The following LRMDA variants were observed in gnomAD, a reference collection of about 807,000 sequenced individuals.
LRMDA encodes leucine rich melanocyte differentiation associated.
A neutral mutation model predicts 29.8 loss-of-function variants in LRMDA; 18 were observed. That is an observed-to-expected ratio of 0.60 (90% CI 0.42 to 0.90). LRMDA has a LOEUF of 0.90. Ranked by LOEUF, LRMDA falls within the 40% of genes least tolerant of loss-of-function variation. The pLI, the probability that LRMDA is intolerant of heterozygous loss-of-function variation, is 0.00. For synonymous variants in LRMDA, 125 were observed against 109.4 expected (o/e 1.14, Z -0.89); for missense variants, 273 against 273.9 (o/e 1.00, Z 0.02).
chr10:76,368,849 A>G (rs1282064780), intron 6 of LRMDA, among the ~76,000 whole-genome samples: 4 of 152,162 alleles, frequency 2.6e-5, no homozygotes, highest in Non-Finnish European at 4.4e-5. Flanking sequence ...TTACCATTAT[A>G]TACTGTTCCT....
intron 2 of LRMDA, among the ~76,000 whole-genome samples, chr10:75,835,455 A>G (rs1483454460): frequency 2.0e-5 from 3 of 152,178 alleles, no homozygotes; most frequent in African/African-American, 7.2e-5. Context: ...TAACTCAATC[A>G]CATTTGCAAA....
At chr10:76,034,797 A>G (rs566285758) in intron 2 of LRMDA, among the ~76,000 whole-genome samples, 1 of 152,268 alleles carries the variant, frequency 6.6e-6, no homozygotes, top group East Asian at 1.9e-4. Flanking sequence ...GTCACATTTT[A>G]TAGAATAGCC....
chr10:75,911,685 G>T (rs561160483), intron 2 of LRMDA, among the ~76,000 whole-genome samples: 1 of 152,290 alleles, frequency 6.6e-6, no homozygotes, highest in African/African-American at 2.4e-5. Context: ...CTGTTCTTCA[G>T]TGAGCATGTA....
At chr10:76,188,251 G>T (rs532409241) in intron 5 of LRMDA, among the ~76,000 whole-genome samples, 4 of 152,242 alleles carry the variant, frequency 2.6e-5, no homozygotes, top group East Asian at 3.9e-4. Context: ...TCCTTTCCTG[G>T]CTGGGATTAT....
chr10:75,521,824 C>G (rs1440579762), intron 2 of LRMDA, among the ~76,000 whole-genome samples: 1 of 152,206 alleles, frequency 6.6e-6, no homozygotes, highest in Non-Finnish European at 1.5e-5. Flanking sequence ...CAGAGCTGTT[C>G]CTATTCGGCC....
intron 6 of LRMDA, among the ~76,000 whole-genome samples, chr10:76,359,145 A>G (rs1390139132): frequency 6.6e-6 from 1 of 152,194 alleles, no homozygotes; most frequent in Non-Finnish European, 1.5e-5. Context: ...CCATTTTGTC[A>G]TTGTGGTTTT....
chr10:75,582,054 G>T (rs576732298), intron 2 of LRMDA, among the ~76,000 whole-genome samples: 158 of 152,322 alleles, frequency 1.0e-3, no homozygotes, highest in African/African-American at 3.2e-3. Context: ...GACTTTGTAG[G>T]GTTCAGCTCC....
At chr10:75,737,061 GCACACA>G (rs148786283) in intron 2 of LRMDA, among the ~76,000 whole-genome samples, 3 of 147,786 alleles carry the variant, frequency 2.0e-5, no homozygotes, top group Admixed American at 6.8e-5. Flanking sequence ...ACGCACGCAC[GCACACA>G]CACACACACA....
chr10:76,313,654 G>A (rs1464023617), intron 5 of LRMDA, among the ~76,000 whole-genome samples: 3 of 152,140 alleles, frequency 2.0e-5, no homozygotes, highest in Non-Finnish European at 4.4e-5. Context: ...GTAGGTAAAT[G>A]CTTAACAGCC....
chr10:76,514,763 A>G (rs1416266429), intron 6 of LRMDA, among the ~76,000 whole-genome samples: 1 of 152,122 alleles, frequency 6.6e-6, no homozygotes, highest in East Asian at 1.9e-4. Flanking sequence ...CAAAACTGGA[A>G]TCACATACTT....
chr10:75,879,574 A>G (rs1845259931), intron 2 of LRMDA, among the ~76,000 whole-genome samples: 1 of 152,146 alleles, frequency 6.6e-6, no homozygotes, highest in African/African-American at 2.4e-5. Context: ...CTACTGGAAT[A>G]TAAGGTCTGG....
intron 2 of LRMDA, among the ~76,000 whole-genome samples, chr10:75,862,700 G>A (rs773544125): frequency 2.4e-4 from 37 of 152,250 alleles, no homozygotes; most frequent in Non-Finnish European, 4.6e-4. Flanking sequence ...ACCTCCTAGG[G>A]TTTGTTGGCG....
At chr10:75,658,291 A>G (rs1437185695) in intron 2 of LRMDA, among the ~76,000 whole-genome samples, 2 of 144,810 alleles carry the variant, frequency 1.4e-5, no homozygotes, top group South Asian at 2.3e-4. Context: ...AGTTCAAAGA[A>G]AATGAAAAAA....
intron 5 of LRMDA, among the ~76,000 whole-genome samples, chr10:76,070,548 T>C (rs559448640): frequency 6.6e-6 from 1 of 152,296 alleles, no homozygotes; most frequent in South Asian, 2.1e-4. Context: ...TTAACCTTAA[T>C]TACCTCCTAA....
chr10:76,552,494 A>C (rs1285439717), intron 6 of LRMDA, among the ~76,000 whole-genome samples: 3 of 152,218 alleles, frequency 2.0e-5, no homozygotes, highest in Admixed American at 2.0e-4. Flanking sequence ...TTATTGACTG[A>C]CCTGTTGAAT....
chr10:76,033,734 C>T (rs1401118277), intron 2 of LRMDA, among the ~76,000 whole-genome samples: 1 of 152,132 alleles, frequency 6.6e-6, no homozygotes, highest in African/African-American at 2.4e-5. Context: ...GTAAGGCTCC[C>T]TAAGGGGAAG....
intron 5 of LRMDA, among the ~76,000 whole-genome samples, chr10:76,080,088 T>C (rs1204926335): frequency 6.6e-6 from 1 of 152,118 alleles, no homozygotes; most frequent in Non-Finnish European, 1.5e-5. Context: ...TCGAAATAGA[T>C]ATGCCTTCAT....
At chr10:76,179,128 C>T (rs760832219) in intron 5 of LRMDA, among the ~76,000 whole-genome samples, 17 of 152,114 alleles carry the variant, frequency 1.1e-4, no homozygotes, top group East Asian at 1.9e-4. Context: ...TTTCCTTTTC[C>T]TTTTAACCCA....
chr10:76,397,625 G>A (rs1163940524), intron 6 of LRMDA, among the ~76,000 whole-genome samples: 1 of 152,196 alleles, frequency 6.6e-6, no homozygotes, highest in African/African-American at 2.4e-5. Flanking sequence ...CTGTGCCTTC[G>A]CTTCCTGGTG....
Sources: gnomAD v4.1 joint callset for allele counts (sites outside exome capture counted in the v4.1 genomes callset) on GRCh38, gnomAD v4.1.1 for gene constraint, MANE v1.5 for transcripts, NCBI Gene and HGNC (gene_info 2026-07-23, HGNC 2026-07-21) for gene names.